The following DMBT1 variants were observed in gnomAD, a reference collection of about 807,000 sequenced individuals.
The protein encoded by DMBT1 is deleted in malignant brain tumors 1.
DMBT1 carries 198 observed loss-of-function variants against 252.9 expected under a neutral mutation model. That is an observed-to-expected ratio of 0.78 (90% confidence interval 0.70 to 0.88). The LOEUF (loss-of-function observed/expected upper bound fraction) is 0.88, where lower values mean the gene tolerates loss of function less well. Ranked by LOEUF, DMBT1 falls within the 40% of genes least tolerant of loss-of-function variation. The pLI, the probability that DMBT1 is intolerant of heterozygous loss-of-function variation, is 0.00. For missense variants in DMBT1, 2,432 were observed against 2,404.7 expected (o/e 1.01, Z -0.24); for synonymous variants, 990 against 942.7 (o/e 1.05, Z -0.92).
intron 5 of DMBT1, 50 bp downstream of exon 5, chr10:122,572,411 C>T: frequency 6.2e-7 from 1 of 1,603,334 alleles, no homozygotes; most frequent in Non-Finnish European, 8.5e-7. Context: ...CCTCTGTACT[C>T]CTAGATTCAT....
At chr10:122,636,644 C>T (rs2098229594) in intron 53 of DMBT1, among the ~76,000 whole-genome samples, 1 of 152,186 alleles carries the variant, frequency 6.6e-6, no homozygotes, top group African/African-American at 2.4e-5. Flanking sequence ...CACTCAGACA[C>T]TTCCAGCAGA....
chr10:122,597,343 C>T (rs2133599272), intron 24 of DMBT1, among the ~76,000 whole-genome samples: 2 of 152,304 alleles, frequency 1.3e-5, no homozygotes, highest in South Asian at 4.2e-4. Flanking sequence ...TTAGCTTTGG[C>T]ACTTTTCTAT....
intron 48 of DMBT1, 114 bp from the exon 49 acceptor site, chr10:122,630,847 A>G (rs2098158727): frequency 5.9e-6 from 7 of 1,193,228 alleles, no homozygotes; most frequent in Non-Finnish European, 7.0e-6. Flanking sequence ...CCACATTTCT[A>G]TTTGGCGACT....
chr10:122,589,638 A>T (rs1332750090), intron 17 of DMBT1, among the ~76,000 whole-genome samples: 1 of 148,290 alleles, frequency 6.7e-6, no homozygotes, highest in Non-Finnish European at 1.5e-5. Context: ...GCTGCATAGG[A>T]GCGTGGTATC....
At position 122,565,816 on chromosome 10, in the gene DMBT1, C is replaced by T. The variant is rs572268093; in HGVS notation, c.62-151C>T. 39 of 723,558 alleles carry T rather than the reference C, an allele frequency of 5.4e-5. No homozygotes were observed. The East Asian group carries it at 1.0e-3, about 18-fold the overall frequency. The allele number at this position is 723,558 out of a possible 1,614,324, so 44.8% of individuals were successfully genotyped here. ...TGCTTTAATCCGCTATTGCAGAATT[C>T]ATTTAGCAAGAACGTCGGGGACACA... is the stretch of plus-strand genomic sequence containing the variant. On this transcript the variant is annotated intron_variant, in intron 1 of 55. Transcript: ENST00000338354.
intron 45 of DMBT1, 33 bp downstream of exon 45, chr10:122,625,336 T>C: frequency 6.3e-7 from 1 of 1,596,584 alleles, no homozygotes; most frequent in Non-Finnish European, 8.6e-7. Context: ...CAGCAATATT[T>C]CTCTTGGGAA....
chr10:122,598,615 T>A (rs1210411264), intron 25 of DMBT1, among the ~76,000 whole-genome samples, 159 bp from the exon 26 acceptor site: 6 of 152,234 alleles, frequency 3.9e-5, no homozygotes, highest in Non-Finnish European at 7.3e-5. Flanking sequence ...ACTGCTTCTT[T>A]GACTTTGATG....
Position 122,585,926 on chromosome 10 carries a change from G to A in DMBT1, c.1460-134G>A, listed in dbSNP as rs150265113. The A allele has an allele frequency of 3.6e-4, 544 of 1,495,492 alleles. 44 individuals carry two copies. The African/African-American group carries it at 4.0e-3, about 11-fold the overall frequency. 92.6% of individuals were successfully genotyped at this position (1,495,492 alleles called of 1,614,324 possible). A position where few individuals can be genotyped will look rare whatever the true frequency, so the allele number is the denominator to read the frequency against. On this transcript the variant is annotated intron_variant, in intron 15 of 55. Transcript: ENST00000338354. ...TGACTTTGATGAAGCTGAATCTCTG[G>A]TTTTATTCATATTCAAAGGTGACTG...
Position 122,572,312 on chromosome 10 carries a change from A to C in DMBT1, c.188-2A>C, listed in dbSNP as rs193166374. On this transcript the variant is annotated splice_acceptor_variant, in intron 4 of 55. Transcript: ENST00000338354. LOFTEE classifies it high-confidence loss of function. ...TGAGCTCTTCCTTTCTCCACCCTGC[A>C]GGTTCTCCGATTTCCTTGGAGTCAA... is the stretch of plus-strand genomic sequence containing the variant. 4 of 1,613,270 alleles carry C rather than the reference A, an allele frequency of 2.5e-6. No individual in the cohort carries two copies. The East Asian group carries it at 6.7e-5, about 27-fold the overall frequency.
In DMBT1 at chr10:122,631,273, T is replaced by A; in HGVS notation, c.6338T>A (p.Ile2113Asn). The A allele has an allele frequency of 2.5e-6, 4 of 1,613,920 alleles. No homozygotes were observed. The highest frequency in any genetic ancestry group is 3.4e-6 in the Non-Finnish European group (4 of 1,179,814). Residue 2113 changes from isoleucine (I) to asparagine (N), a missense_variant, in exon 49 of 56, where the codon ATC (isoleucine) becomes AAC (asparagine). Around this residue, in one of 3 missense-constraint regions of DMBT1, gnomAD observed 1,162 missense variants for 1,169.0 expected, o/e 0.99. Transcript: ENST00000338354. ...NCNHREDAGV[I>N]CSGNHLSTPA... Reference sequence around the variant, plus strand: ...AATCATCGTGAAGATGCTGGTGTCATCTGCTCAGGTATGGCCCAATGCCAT... The same window carrying A: ...AATCATCGTGAAGATGCTGGTGTCAACTGCTCAGGTATGGCCCAATGCCAT...
At chr10:122,562,238 T>C (rs187242808) in intron 1 of DMBT1, among the ~76,000 whole-genome samples, 197 of 152,250 alleles carry the variant, frequency 1.3e-3, no homozygotes, top group African/African-American at 4.3e-3. Flanking sequence ...GCTAGATTTA[T>C]GAATTTCAGG....
intron 9 of DMBT1, 53 bp from the exon 10 acceptor site, chr10:122,579,525 G>C: frequency 6.2e-7 from 1 of 1,611,200 alleles, no homozygotes; most frequent in East Asian, 2.2e-5. Flanking sequence ...ACTTACCTTA[G>C]ATTCTTGACC....
At chr10:122,563,078 G>T (rs923537018) in intron 1 of DMBT1, among the ~76,000 whole-genome samples, 1 of 152,186 alleles carries the variant, frequency 6.6e-6, no homozygotes. Context: ...ACAGAGCTTT[G>T]CGCTGGAAGT....
Position 122,631,063 on chromosome 10 carries a change from C to T in DMBT1, c.6128C>T (p.Ser2043Phe), listed in dbSNP as rs960655197. Residue 2043 changes from serine (S) to phenylalanine (F), a missense_variant, in exon 49 of 56, where the codon TCC becomes TTC. This residue lies in a region of DMBT1 where 1,162 missense variants were observed against 1,169.0 expected (regional missense o/e 0.99). Coordinates refer to ENST00000338354, the MANE Select transcript of DMBT1 (RefSeq NM_001377530.1). ...GGTWGTVCDD[S>F]WTIQEAEVVC... ...ACCTGGGGGACAGTTTGTGATGACT[C>T]CTGGACCATTCAGGAAGCTGAGGTG... The T allele has an allele frequency of 8.7e-6, 14 of 1,613,964 alleles. No individual in the cohort carries two copies. Among genetic ancestry groups the T allele is most frequent in the Non-Finnish European group, 1.2e-5 (14 of 1,179,884 alleles).
intron 25 of DMBT1, 99 bp from the exon 26 acceptor site, chr10:122,598,675 G>A: frequency 2.5e-6 from 4 of 1,583,846 alleles, no homozygotes; most frequent in South Asian, 1.2e-5. Flanking sequence ...GCCTGCCCAG[G>A]TGACTTTAGC....
intron 25 of DMBT1, among the ~76,000 whole-genome samples, chr10:122,598,524 T>C (rs2097906775): frequency 6.6e-6 from 1 of 152,172 alleles, no homozygotes; most frequent in South Asian, 2.1e-4. Context: ...GAATGGGGTT[T>C]CCATTCCTGT....
chr10:122,598,587 C>T (rs1270269021), intron 25 of DMBT1, among the ~76,000 whole-genome samples, 187 bp from the exon 26 acceptor site: 2 of 152,196 alleles, frequency 1.3e-5, no homozygotes, highest in Non-Finnish European at 2.9e-5. Flanking sequence ...TTCATAAACC[C>T]AGGCAGAATA....
At chr10:122,592,852 C>A (rs572213300) in intron 20 of DMBT1, among the ~76,000 whole-genome samples, 1 of 148,276 alleles carries the variant, frequency 6.7e-6, no homozygotes. Context: ...AGAAAGAGGC[C>A]GAAGAGAAAA....
intron 46 of DMBT1, among the ~76,000 whole-genome samples, chr10:122,629,322 C>T (rs2098140848): frequency 6.6e-6 from 1 of 152,204 alleles, no homozygotes; most frequent in African/African-American, 2.4e-5. Context: ...GATCATGGAG[C>T]TGATAGAGGC....
Sources: gnomAD v4.1 joint callset for allele counts (sites outside exome capture counted in the v4.1 genomes callset) on GRCh38, gnomAD v4.1.1 for gene constraint, gnomAD v4.1.1 regional missense constraint, MANE v1.5 for transcripts, NCBI Gene and HGNC (gene_info 2026-07-23, HGNC 2026-07-21) for gene names.